NCALD: variants seen among roughly 807,000 people sequenced by gnomAD.
NCALD encodes the protein neurocalcin delta.
Under a neutral mutation model 18.6 loss-of-function variants are expected in NCALD, and 10 were observed. The ratio of observed to expected loss-of-function variants is 0.54; its 90% CI spans 0.33 to 0.91. The LOEUF (loss-of-function observed/expected upper bound fraction) is 0.91. Among genes scored for constraint, NCALD ranks in the 40% least tolerant of loss-of-function variants. The pLI is 0.03. For synonymous variants in NCALD, 88 were observed against 87.4 expected (o/e 1.01, Z -0.04); for missense variants, 184 against 247.6 (o/e 0.74, Z 1.72).
At position 101,712,757 on chromosome 8, in the gene NCALD, AG is replaced by A. The variant is rs1815870790; in HGVS notation, c.378+6494del. Among the ~76,000 whole-genome samples, 2 of 152,216 alleles carry A rather than the reference AG, an allele frequency of 1.3e-5. 1 individual carries two copies. Among genetic ancestry groups the A allele is most frequent in the Non-Finnish European group, 2.9e-5 (2 of 68,044 alleles). On this transcript the variant is annotated intron_variant, in intron 2 of 3. Transcript: ENST00000220931. ...TACTAAATATATATGCACCCAATAC[AG>A]GAGCACCCAGATTCATAAACCAAGT...
intron 1 of NCALD, among the ~76,000 whole-genome samples, chr8:102,112,311 C>A (rs962487994): frequency 5.3e-5 from 8 of 152,130 alleles, no homozygotes; most frequent in Non-Finnish European, 1.2e-4. Flanking sequence ...CCTGAAGATA[C>A]AAGCTCCAGG....
intron 1 of NCALD, among the ~76,000 whole-genome samples, chr8:101,784,043 C>T (rs770013640): frequency 5.9e-5 from 9 of 152,138 alleles, no homozygotes; most frequent in South Asian, 2.1e-4. Context: ...CCAAATCTTA[C>T]GGGCTTAAAA....
At chr8:101,724,489 G>T (rs929458343) in intron 1 of NCALD, among the ~76,000 whole-genome samples, 3 of 152,110 alleles carry the variant, frequency 2.0e-5, no homozygotes, top group Non-Finnish European at 4.4e-5. Flanking sequence ...TTAACATTTT[G>T]GTTCTCCTCA....
Position 102,106,445 on chromosome 8 carries a change from G to GTATATATATA in NCALD, c.-210+17782_-210+17791dup, listed in dbSNP as rs369201039. On this transcript the variant is annotated intron_variant, in intron 1 of 6. Transcript: ENST00000311028. ...GTACGTGTAAAACTATTAGCATATA[G>GTATATATATA]TATATATATATATATATATATACAC... Among the ~76,000 whole-genome samples, 1,264 of 132,462 alleles carry GTATATATATA rather than the reference G, an allele frequency of 9.5e-3. 11 individuals are homozygous for GTATATATATA. Among genetic ancestry groups the GTATATATATA allele is most frequent in the Middle Eastern group, 0.028 (7 of 246 alleles). 86.9% of individuals were successfully genotyped at this position (132,462 alleles called of 152,430 possible). A position where few individuals can be genotyped will look rare whatever the true frequency, so the allele number is the denominator to read the frequency against.
intron 1 of NCALD, among the ~76,000 whole-genome samples, chr8:102,122,121 G>A (rs1043606288): frequency 6.6e-6 from 1 of 152,228 alleles, no homozygotes; most frequent in African/African-American, 2.4e-5. Context: ...GGCACCTCTG[G>A]GAGGGGGAGT....
chr8:101,811,239 G>A (rs1001855645), intron 4 of NCALD, among the ~76,000 whole-genome samples: 4 of 152,166 alleles, frequency 2.6e-5, no homozygotes, highest in Non-Finnish European at 5.9e-5. Flanking sequence ...TGAACCCAAT[G>A]TAATCACAAG....
At chr8:102,033,513 C>A (rs891307990) in intron 1 of NCALD, among the ~76,000 whole-genome samples, 2 of 152,172 alleles carry the variant, frequency 1.3e-5, no homozygotes, top group African/African-American at 4.8e-5. Context: ...TTGGGCTCTG[C>A]TGGTTTAAAG....
intron 2 of NCALD, among the ~76,000 whole-genome samples, chr8:102,001,633 C>G (rs1397325006): frequency 6.6e-6 from 1 of 152,164 alleles, no homozygotes; most frequent in Non-Finnish European, 1.5e-5. Context: ...AGAAAAAGGT[C>G]GGGTTACCCA....
chr8:102,017,598 C>A (rs142006503), intron 2 of NCALD, among the ~76,000 whole-genome samples: 3 of 151,936 alleles, frequency 2.0e-5, no homozygotes, highest in Non-Finnish European at 4.4e-5. Context: ...GGGAGGCTGA[C>A]GCAGGAGAAT....
intron 2 of NCALD, among the ~76,000 whole-genome samples, chr8:101,930,006 G>A (rs761772338): frequency 2.0e-5 from 3 of 152,054 alleles, no homozygotes; most frequent in Non-Finnish European, 4.4e-5. Flanking sequence ...AGTGAGCCAA[G>A]ATCACACCAC....
chr8:101,891,869 C>A (rs1406179954), intron 3 of NCALD, among the ~76,000 whole-genome samples: 1 of 152,198 alleles, frequency 6.6e-6, no homozygotes, highest in Non-Finnish European at 1.5e-5. Context: ...CCTACGCCCA[C>A]GGAATCTCGC....
chr8:101,787,342 G>A (rs138882163), intron 1 of NCALD, among the ~76,000 whole-genome samples: 2 of 152,230 alleles, frequency 1.3e-5, no homozygotes, highest in South Asian at 2.1e-4. Context: ...CATCTCTTTC[G>A]TAATTCCTTT....
At chr8:101,747,085 G>C (rs1409522850) in intron 1 of NCALD, among the ~76,000 whole-genome samples, 1 of 152,144 alleles carries the variant, frequency 6.6e-6, no homozygotes, top group Non-Finnish European at 1.5e-5. Context: ...ACCCAGTTTA[G>C]ACACCTCTGC....
chr8:101,718,805 G>T (rs1816210775), intron 2 of NCALD, among the ~76,000 whole-genome samples: 2 of 152,130 alleles, frequency 1.3e-5, no homozygotes, highest in South Asian at 2.1e-4. Context: ...TGGAATTCAG[G>T]AAAAGCCCAC....
chr8:101,891,481 T>C (rs923899459), intron 3 of NCALD, among the ~76,000 whole-genome samples: 4 of 152,244 alleles, frequency 2.6e-5, no homozygotes, highest in African/African-American at 9.6e-5. Flanking sequence ...TTCCATTGTA[T>C]GAAAGTACTA....
At chr8:101,864,339 CCACAGTGCA>C (rs1354186323) in intron 4 of NCALD, among the ~76,000 whole-genome samples, 1 of 152,126 alleles carries the variant, frequency 6.6e-6, no homozygotes, top group Non-Finnish European at 1.5e-5. Flanking sequence ...CCTACAAAAG[CCACAGTGCA>C]CACAGTGCAT....
chr8:102,081,127 G>C (rs1403661335), intron 1 of NCALD, among the ~76,000 whole-genome samples: 1 of 152,226 alleles, frequency 6.6e-6, no homozygotes, highest in South Asian at 2.1e-4. Flanking sequence ...ACTCCCTTAA[G>C]AACAGAAGCA....
intron 1 of NCALD, among the ~76,000 whole-genome samples, chr8:102,059,842 G>A (rs1467781860): frequency 6.6e-6 from 1 of 152,176 alleles, no homozygotes; most frequent in Non-Finnish European, 1.5e-5. Context: ...TAGGGCTGTG[G>A]TTCTCCAACT....
intron 1 of NCALD, among the ~76,000 whole-genome samples, chr8:102,095,928 A>G (rs1395424855): frequency 2.6e-5 from 4 of 152,206 alleles, no homozygotes; most frequent in African/African-American, 9.6e-5. Context: ...CTCTCTTATC[A>G]AGGTGAACAA....
Sources: gnomAD v4.1 joint callset for allele counts (sites outside exome capture counted in the v4.1 genomes callset) on GRCh38, gnomAD v4.1.1 for gene constraint, MANE v1.5 for transcripts, NCBI Gene and HGNC (gene_info 2026-07-23, HGNC 2026-07-21) for gene names.